Variants in CACNA1A observed in about 807,000 individuals in gnomAD.
The protein encoded by CACNA1A is voltage-dependent P/Q-type calcium channel subunit alpha-1A.
A neutral mutation model predicts 262.4 loss-of-function variants in CACNA1A; 57 were observed. That is an observed-to-expected ratio of 0.22 (90% CI 0.18 to 0.27). The LOEUF (loss-of-function observed/expected upper bound fraction) is 0.27, where lower values mean the gene tolerates loss of function less well. Among genes scored for constraint, CACNA1A ranks in the 10% least tolerant of loss-of-function variants. The pLI is 1.00. For synonymous variants in CACNA1A, 1,431 were observed against 1,419.3 expected, an observed-to-expected ratio of 1.01 and a Z score of -0.18; for missense variants, 2,526 against 3,562.8, an observed-to-expected ratio of 0.71 and a Z score of 7.41.
intron 1 of CACNA1A, among the ~76,000 whole-genome samples, chr19:13,464,573 G>A (rs1289918778): frequency 4.0e-5 from 5 of 124,530 alleles, no homozygotes; most frequent in African/African-American, 6.8e-5. Context: ...TTTAGAGACC[G>A]AGTCTTGCTC....
chr19:13,282,888 A>G (rs1443159863), intron 22 of CACNA1A, among the ~76,000 whole-genome samples: 1 of 152,154 alleles, frequency 6.6e-6, no homozygotes, highest in Non-Finnish European at 1.5e-5. Flanking sequence ...TCGTGTACAA[A>G]GGGAAATGTC....
intron 1 of CACNA1A, among the ~76,000 whole-genome samples, chr19:13,486,420 T>G (rs565679871): frequency 6.7e-6 from 1 of 150,050 alleles, no homozygotes; most frequent in Non-Finnish European, 1.5e-5. Flanking sequence ...CACACACACA[T>G]ACACACACAC....
chr19:13,308,073 G>T lies in CACNA1A; in HGVS notation c.1913+47C>A. On this transcript the variant is annotated intron_variant, in intron 14 of 46. Transcript: ENST00000360228. The surrounding 1 kb of genome is among the most constrained non-coding windows in gnomAD (Gnocchi z 4.2). ...GTGGAGGGGACTGTGTGTTCCCTGAGCCTGACCCCAGGGAACCAGGAGTTG... is the reference window on the plus strand; with the variant it reads ...GTGGAGGGGACTGTGTGTTCCCTGATCCTGACCCCAGGGAACCAGGAGTTG... 6.2e-7 allele frequency: 1 copy of T among 1,609,746 alleles called. No homozygotes were observed. Among genetic ancestry groups the T allele is most frequent in the Non-Finnish European group, 8.5e-7 (1 of 1,177,474 alleles).
chr19:13,278,578 T>C (rs2057207610), intron 22 of CACNA1A, among the ~76,000 whole-genome samples: 7 of 152,080 alleles, frequency 4.6e-5, no homozygotes, highest in Admixed American at 4.6e-4. Flanking sequence ...CACTTATCAC[T>C]CCCTGAACAT....
At chr19:13,401,937 A>G (rs2059906179) in intron 3 of CACNA1A, among the ~76,000 whole-genome samples, 1 of 152,190 alleles carries the variant, frequency 6.6e-6, no homozygotes, top group Non-Finnish European at 1.5e-5. Context: ...ACAGCCTCCC[A>G]AAGTGCTAGA....
At chr19:13,354,897 C>T (rs1266422002) in intron 6 of CACNA1A, among the ~76,000 whole-genome samples, 5 of 120,304 alleles carry the variant, frequency 4.2e-5, no homozygotes, top group African/African-American at 1.0e-4. Flanking sequence ...TTTTTTGAGA[C>T]GGAGTCTCAT....
At chr19:13,377,646 A>G (rs1224306376) in intron 3 of CACNA1A, among the ~76,000 whole-genome samples, 1 of 151,636 alleles carries the variant, frequency 6.6e-6, no homozygotes, top group Non-Finnish European at 1.5e-5. Context: ...TACAGGTGTG[A>G]GCCACCATGC....
intron 34 of CACNA1A, among the ~76,000 whole-genome samples, chr19:13,234,244 G>A (rs1326597768): frequency 2.0e-5 from 3 of 148,790 alleles, no homozygotes; most frequent in African/African-American, 7.4e-5. Context: ...CAGCTACTCG[G>A]GAGGCTGAGG....
intron 2 of CACNA1A, among the ~76,000 whole-genome samples, chr19:13,454,351 A>G (rs77694951): frequency 0.12 from 18,514 of 150,730 alleles, 1,513 homozygotes; most frequent in East Asian, 0.26. Flanking sequence ...TATCCTTTGT[A>G]ATATTCTTGT....
chr19:13,450,748 T>G (rs1324489372), intron 3 of CACNA1A: 3 of 152,274 alleles, frequency 2.0e-5, no homozygotes, highest in Non-Finnish European at 4.4e-5. Flanking sequence ...CTCAAACTAG[T>G]TAGGCTCAAG....
In CACNA1A at chr19:13,283,523, A is replaced by G. The variant is rs72993587; in HGVS notation, c.3693-127T>C. ...ACCCCCAAGGCCTCCTACACAACAA[A>G]CTATTAAACTCCTCCAGGTGGGGGC... On this transcript the variant is annotated intron_variant, in intron 21 of 46. Coordinates refer to ENST00000360228, the MANE Select transcript of CACNA1A (RefSeq NM_001127222.2). 0.11 allele frequency: 130,214 copies of G among 1,219,416 alleles called. 8,173 individuals are homozygous for G. The highest frequency in any genetic ancestry group is 0.27 in the South Asian group (18,305 of 67,790). 75.5% of individuals were successfully genotyped at this position (1,219,416 alleles called of 1,614,324 possible). A position where few individuals can be genotyped will look rare whatever the true frequency, so the allele number is the denominator to read the frequency against.
chr19:13,278,253 C>T (rs2057198919), intron 22 of CACNA1A, among the ~76,000 whole-genome samples: 1 of 152,100 alleles, frequency 6.6e-6, no homozygotes, highest in Non-Finnish European at 1.5e-5. Flanking sequence ...CAAAGTCCTC[C>T]CCGAGGCCCT....
intron 1 of CACNA1A, among the ~76,000 whole-genome samples, chr19:13,500,756 A>G (rs770184889): frequency 6.6e-5 from 10 of 152,344 alleles, no homozygotes; most frequent in Non-Finnish European, 1.3e-4. Flanking sequence ...CAATGTTTAT[A>G]GCAGCTCTAT....
chr19:13,358,434 G>A (rs575878410), intron 6 of CACNA1A, among the ~76,000 whole-genome samples: 4 of 152,320 alleles, frequency 2.6e-5, no homozygotes, highest in South Asian at 4.1e-4. Context: ...GTGTGCACCC[G>A]TGAAGAGACT....
chr19:13,296,320 T>TA (rs1278935050), intron 19 of CACNA1A, among the ~76,000 whole-genome samples: 1 of 152,146 alleles, frequency 6.6e-6, no homozygotes, highest in Admixed American at 6.6e-5. Flanking sequence ...AACCCATCAT[T>TA]AAAAAAATCA....
intron 5 of CACNA1A, 100 bp from the exon 6 acceptor site, chr19:13,359,899 C>G: frequency 1.3e-6 from 1 of 749,732 alleles, no homozygotes; most frequent in Middle Eastern, 2.8e-4. Flanking sequence ...GAACGAATAA[C>G]TTTTGGGACA....
chr19:13,340,676 C>T (rs1188139765), intron 6 of CACNA1A, among the ~76,000 whole-genome samples: 3 of 152,294 alleles, frequency 2.0e-5, no homozygotes, highest in African/African-American at 4.8e-5. Flanking sequence ...ATCCACTCAC[C>T]TCGGCCTCCC....
chr19:13,465,414 T>C (rs2061216821), intron 1 of CACNA1A, among the ~76,000 whole-genome samples: 1 of 152,252 alleles, frequency 6.6e-6, no homozygotes, highest in Non-Finnish European at 1.5e-5. Context: ...GGACATTTCA[T>C]GTAAATGGAA....
intron 19 of CACNA1A, among the ~76,000 whole-genome samples, chr19:13,292,119 GAC>G (rs1568500968): frequency 1.3e-5 from 2 of 152,178 alleles, no homozygotes; most frequent in Non-Finnish European, 2.9e-5. Context: ...GATTTTTACT[GAC>G]AGTCTGGGAA....
Sources: allele counts gnomAD v4.1 joint callset (sites outside exome capture counted in the v4.1 genomes callset), GRCh38; gene constraint gnomAD v4.1.1; non-coding constraint Gnocchi (gnomAD v3.1); transcripts MANE v1.5; gene names NCBI Gene and HGNC (gene_info 2026-07-23, HGNC 2026-07-21).